The following TEF variants were observed in gnomAD, a reference collection of about 807,000 sequenced individuals.
TEF encodes the protein TEF transcription factor, PAR bZIP family member.
TEF carries 3 observed loss-of-function variants against 20.8 expected under a neutral mutation model. The observed-to-expected ratio is 0.14, with a 90% CI of 0.07 to 0.37. The LOEUF is 0.37. Ranked by LOEUF, TEF falls within the 10% of genes least tolerant of loss-of-function variation. The probability of loss-of-function intolerance (pLI) is 1.00; values close to 1 mark genes in which losing one functional copy is unlikely to be tolerated. For missense variants in TEF, 296 were observed against 397.9 expected (o/e 0.74, Z 2.18); for synonymous variants, 180 against 171.1 (o/e 1.05, Z -0.41).
upstream of TEF, chr22:41,377,317 G>A (rs2036954848): frequency 6.6e-6 from 1 of 152,190 alleles, no homozygotes; most frequent in Non-Finnish European, 1.5e-5. Flanking sequence ...GTAGAGATGA[G>A]GTCTCACTAT....
chr22:41,370,293 T>G (rs2036867941), intron 1 of TEF, among the ~76,000 whole-genome samples: 1 of 151,120 alleles, frequency 6.6e-6, no homozygotes, highest in Admixed American at 6.6e-5. Context: ...TTTTGTATTT[T>G]TAGTACAGAT....
intron 1 of TEF, chr22:41,369,794 A>G (rs1416078765): frequency 1.8e-6 from 1 of 565,938 alleles, no homozygotes; most frequent in Non-Finnish European, 2.2e-6. Context: ...GAGAAAGACA[A>G]CAGAGGCCAG....
At position 41,397,396 on chromosome 22, in the gene TEF, G is replaced by A; in HGVS notation, c.*1436G>A. The A allele has an allele frequency of 3.2e-6, 1 of 312,046 alleles. No homozygotes were observed. The highest frequency in any genetic ancestry group is 5.0e-5 in the East Asian group (1 of 19,922). The allele number at this position is 312,046 out of a possible 1,614,324, so 19.3% of individuals were successfully genotyped here. ...TGGGTCACTGGGACACCCCTGAGAT[G>A]GGTGTGTTTATTTGCTCAGGGCGGG... On this transcript the variant is annotated 3_prime_UTR_variant, in exon 4 of 4. Transcript: ENST00000266304.
At chr22:41,375,182 C>G (rs796577608) in intron 1 of TEF, among the ~76,000 whole-genome samples, 1 of 152,152 alleles carries the variant, frequency 6.6e-6, no homozygotes, top group Admixed American at 6.5e-5. Flanking sequence ...GCCCTGGTAG[C>G]GGACAGAATG....
chr22:41,386,659 C>CT (rs1419492915), intron 1 of TEF, among the ~76,000 whole-genome samples: 3 of 152,140 alleles, frequency 2.0e-5, no homozygotes, highest in African/African-American at 7.2e-5. Flanking sequence ...AGGAGAATTG[C>CT]TTGAACCCAG....
chr22:41,382,849 A>G, intron 1 of TEF: 5 of 469,024 alleles, frequency 1.1e-5, no homozygotes, highest in South Asian at 7.7e-5. Flanking sequence ...CAGAGAAACG[A>G]TGAGGGTCAG....
chr22:41,394,938 T>C (rs573036962), intron 3 of TEF, among the ~76,000 whole-genome samples: 33 of 152,268 alleles, frequency 2.2e-4, no homozygotes, highest in African/African-American at 7.5e-4. Context: ...AATAATGATG[T>C]GATGATCATG....
chr22:41,379,071 T>A (rs111785282), upstream of TEF, among the ~76,000 whole-genome samples: 2,872 of 152,284 alleles, frequency 0.019, 85 homozygotes, highest in African/African-American at 0.06. Flanking sequence ...CCAGGCGCGG[T>A]GGCTCACGCC....
chr22:41,391,944 T>G (rs1278055645), intron 2 of TEF, among the ~76,000 whole-genome samples: 1 of 152,130 alleles, frequency 6.6e-6, no homozygotes, highest in African/African-American at 2.4e-5. Context: ...TATATATCGT[T>G]TGTATTTATC....
In TEF at chr22:41,387,656, G is replaced by A. The variant is rs774488118; in HGVS notation, c.463G>A (p.Val155Met). ...STAIFQPSET[V>M]SSTESSLEKE... ...TGCCATCTTTCAGCCCTCTGAAACC[G>A]TGTCCAGCACAGGTTGGTGAAAGGC... The change falls in exon 2 of 4, where the codon GTG becomes ATG. Residue 155 changes from valine to methionine, a missense_variant. Val to Met is a conservative substitution (Grantham distance 21, BLOSUM62 1). Transcript: ENST00000266304. 23 of 1,613,092 alleles carry A rather than the reference G, an allele frequency of 1.4e-5. No individual in the cohort carries two copies. The highest frequency in any genetic ancestry group is 3.3e-4 in the Middle Eastern group (2 of 6,082).
chr22:41,379,273 G>A (rs1160904538), upstream of TEF, among the ~76,000 whole-genome samples: 2 of 152,146 alleles, frequency 1.3e-5, no homozygotes, highest in South Asian at 2.1e-4. Flanking sequence ...GGGAGGCAGC[G>A]CTTGCAGTGA....
At chr22:41,386,467 G>A (rs1367615994) in intron 1 of TEF, among the ~76,000 whole-genome samples, 5 of 151,546 alleles carry the variant, frequency 3.3e-5, no homozygotes, top group African/African-American at 7.3e-5. Flanking sequence ...CAGGCTGGGC[G>A]TGGTGGCTCA....
At chr22:41,394,967 C>T (rs1378651840) in intron 3 of TEF, among the ~76,000 whole-genome samples, 1 of 152,134 alleles carries the variant, frequency 6.6e-6, no homozygotes, top group African/African-American at 2.4e-5. Context: ...TTAGATGGTA[C>T]TCACTGTAGG....
chr22:41,383,075 A>G (rs1433518334), intron 1 of TEF: 2 of 469,704 alleles, frequency 4.3e-6, no homozygotes, highest in African/African-American at 2.0e-5. Context: ...GCACTGAGGT[A>G]TACTTTGAGT....
At chr22:41,370,647 A>G (rs1026583948) in intron 1 of TEF, among the ~76,000 whole-genome samples, 2 of 151,198 alleles carry the variant, frequency 1.3e-5, no homozygotes, top group African/African-American at 4.9e-5. Flanking sequence ...CCTGACCTCC[A>G]GTGATCCAGC....
intron 1 of TEF, among the ~76,000 whole-genome samples, chr22:41,383,514 A>T (rs1236122441): frequency 6.6e-6 from 1 of 152,234 alleles, no homozygotes; most frequent in Admixed American, 6.5e-5. Context: ...TTTCATTAAC[A>T]GTCCTAGAGG....
Position 41,395,838 on chromosome 22 carries a change from C to T in TEF, c.790C>T (p.Arg264Trp). The change falls in exon 4 of 4, where the codon CGG (arginine) becomes TGG (tryptophan). Residue 264 changes from arginine to tryptophan, a missense_variant. Transcript: ENST00000266304. The part of the protein sequence containing the change: ...RRLKENQITI[R>W]AAFLEKENTA... ...CCTGAAAGAGAATCAGATCACCATC[C>T]GGGCAGCCTTCCTGGAGAAGGAGAA... 8.1e-6 allele frequency: 13 copies of T among 1,614,206 alleles called. No homozygotes were observed. Among genetic ancestry groups the T allele is most frequent in the Non-Finnish European group, 1.0e-5 (12 of 1,180,030 alleles).
intron 2 of TEF, among the ~76,000 whole-genome samples, chr22:41,392,874 T>C (rs1055929167): frequency 3.3e-5 from 5 of 150,848 alleles, no homozygotes; most frequent in African/African-American, 7.3e-5. Context: ...CTGTCTCTAC[T>C]AAAAATACAA....
At chr22:41,392,248 C>A (rs2037175373) in intron 2 of TEF, among the ~76,000 whole-genome samples, 1 of 152,098 alleles carries the variant, frequency 6.6e-6, no homozygotes. Flanking sequence ...CCAGGTGGGG[C>A]AGGGAAGAAC....
Sources: allele counts gnomAD v4.1 joint callset (sites outside exome capture counted in the v4.1 genomes callset), GRCh38; gene constraint gnomAD v4.1.1; transcripts MANE v1.5; gene names NCBI Gene and HGNC (gene_info 2026-07-23, HGNC 2026-07-21).